Variants in ATXN1 observed in about 807,000 individuals in gnomAD.
The protein encoded by ATXN1 is ataxin-1.
In ATXN1, 8 loss-of-function variants were observed where a neutral mutation model predicts 56.4. That is an observed-to-expected ratio of 0.14 (90% CI 0.08 to 0.26). ATXN1 has a LOEUF of 0.26. ATXN1 is among the 10% of genes least tolerant of loss of function. ATXN1 has a pLI of 1.00. For synonymous variants in ATXN1, 514 were observed against 494.6 expected, an observed-to-expected ratio of 1.04 and a Z score of -0.52; for missense variants, 987 against 1,106.5, an observed-to-expected ratio of 0.89 and a Z score of 1.53.
At chr6:16,723,712 C>T (rs1759791742) in intron 2 of ATXN1, among the ~76,000 whole-genome samples, 1 of 151,980 alleles carries the variant, frequency 6.6e-6, no homozygotes, top group African/African-American at 2.4e-5. Context: ...AAATTAATAA[C>T]ATAGTGCACT....
chr6:16,463,909 A>AC (rs1410534247), intron 6 of ATXN1, among the ~76,000 whole-genome samples: 1 of 152,132 alleles, frequency 6.6e-6, no homozygotes, highest in Non-Finnish European at 1.5e-5. Context: ...TACAAATGGA[A>AC]CCCCAAATGA....
In ATXN1 at chr6:16,302,234, AAG is replaced by A. The variant is rs1445941947; in HGVS notation, c.*4093_*4094del. On this transcript the variant is annotated 3_prime_UTR_variant, in exon 8 of 8. Coordinates refer to ENST00000436367, the MANE Select transcript of ATXN1 (RefSeq NM_001128164.2). ...ACACACACCTGCCCCGTCCCTGAGA[AAG>A]AGGTGTGAAAGGTTCCGCAGAGTCC... 6.6e-6 allele frequency: 1 copy of A among 152,464 alleles called. No homozygotes were observed. Among genetic ancestry groups the A allele is most frequent in the Non-Finnish European group, 1.5e-5 (1 of 68,056 alleles). 9.4% of individuals were successfully genotyped at this position (152,464 alleles called of 1,614,324 possible). A position where few individuals can be genotyped will look rare whatever the true frequency, so the allele number is the denominator to read the frequency against.
rs1261024460 is a variant in ATXN1 at position 16,506,015 on chromosome 6, G to A, written c.-299+16612C>T. On this transcript the variant is annotated intron_variant, in intron 5 of 7. Transcript: ENST00000436367. The surrounding 1 kb of genome is among the most constrained non-coding windows in gnomAD (Gnocchi z 4.1). ...ATTCTCCTTTTCACTTCATCTGGAG[G>A]GCAGTGTCTTCCCTCCTAGAAGAGA... 6.6e-6 allele frequency among the ~76,000 whole-genome samples: 1 copy of A among 152,090 alleles called. No homozygotes were observed. Among genetic ancestry groups the A allele is most frequent in the Non-Finnish European group, 1.5e-5 (1 of 68,016 alleles).
rs1759101478 is a variant in ATXN1, at chr6:16,693,912, G to A, written c.-614-36011C>T. Among the ~76,000 whole-genome samples, 3 of 152,012 alleles carry A rather than the reference G, an allele frequency of 2.0e-5. No homozygotes were observed. The South Asian group carries it at 6.2e-4, about 32-fold the overall frequency. On this transcript the variant is annotated intron_variant, in intron 2 of 7. Transcript: ENST00000436367. The stretch of plus-strand genomic sequence containing the variant: ...TTGTAAAAAATACAGTCCACCCTAG[G>A]GTAGGAAAAACTGGGATTCCGACAC...
At chr6:16,756,452 T>A (rs1475403393) in intron 1 of ATXN1, among the ~76,000 whole-genome samples, 1 of 152,210 alleles carries the variant, frequency 6.6e-6, no homozygotes, top group Non-Finnish European at 1.5e-5. Context: ...CAGAAATTAT[T>A]ATTTCTATTA....
chr6:16,494,719 A>T (rs1004253189), intron 5 of ATXN1, among the ~76,000 whole-genome samples: 1 of 152,258 alleles, frequency 6.6e-6, no homozygotes, highest in Non-Finnish European at 1.5e-5. Context: ...TAAGTTGAAC[A>T]TATAGATGAT....
intron 4 of ATXN1, among the ~76,000 whole-genome samples, chr6:16,563,170 T>C (rs1035747605): frequency 6.6e-6 from 1 of 152,050 alleles, no homozygotes; most frequent in Non-Finnish European, 1.5e-5. Flanking sequence ...GCAAGATGAA[T>C]AAATGGTCCT....
intron 5 of ATXN1, among the ~76,000 whole-genome samples, chr6:16,505,154 C>T (rs1760959542): frequency 1.3e-5 from 2 of 152,286 alleles, no homozygotes; most frequent in Admixed American, 1.3e-4. Context: ...CTGCTTATCC[C>T]TCTCAGCTGT....
rs190331400 is a variant in ATXN1, at chr6:16,579,045, C to T, written c.-361+6735G>A. On this transcript the variant is annotated intron_variant, in intron 4 of 7. Transcript: ENST00000436367. ...TCATATAAGTACTGCAGCTTGACTA[C>T]TTCCCAGCTGCCAAATTTCACTCCA... 3.3e-5 allele frequency among the ~76,000 whole-genome samples: 5 copies of T among 152,340 alleles called. No homozygotes were observed. In the East Asian group the frequency reaches 9.6e-4, roughly 29 times the overall value.
intron 6 of ATXN1, among the ~76,000 whole-genome samples, chr6:16,436,562 T>C (rs1207617173): frequency 6.6e-6 from 1 of 151,580 alleles, no homozygotes; most frequent in Non-Finnish European, 1.5e-5. Context: ...GAAAGGGAAA[T>C]AGAAAGCAAT....
chr6:16,374,609 G>A (rs1162311674), intron 6 of ATXN1, among the ~76,000 whole-genome samples: 1 of 152,172 alleles, frequency 6.6e-6, no homozygotes, highest in Non-Finnish European at 1.5e-5. Flanking sequence ...GGTATAAATG[G>A]TGATGTATCA....
intron 2 of ATXN1, among the ~76,000 whole-genome samples, chr6:16,743,711 G>A (rs576722722): frequency 8.5e-4 from 129 of 152,270 alleles, no homozygotes; most frequent in Non-Finnish European, 1.6e-3. Flanking sequence ...CAAGGGCTTC[G>A]TGAGGAAGAG....
chr6:16,307,065 T>C (rs1760268974), intron 7 of ATXN1, among the ~76,000 whole-genome samples: 1 of 152,190 alleles, frequency 6.6e-6, no homozygotes, highest in Non-Finnish European at 1.5e-5. Context: ...GTTGTACCTC[T>C]ACTTGCCATA....
At chr6:16,352,137 T>C (rs1025565798) in intron 6 of ATXN1, among the ~76,000 whole-genome samples, 6 of 152,208 alleles carry the variant, frequency 3.9e-5, no homozygotes, top group African/African-American at 7.2e-5. Flanking sequence ...TCGCGAATAA[T>C]ATAGTTTGCT....
At chr6:16,361,195 G>A (rs956742948) in intron 6 of ATXN1, among the ~76,000 whole-genome samples, 57 of 152,274 alleles carry the variant, frequency 3.7e-4, no homozygotes, top group African/African-American at 1.3e-3. Flanking sequence ...TATATATAGA[G>A]ACATTAAATT....
intron 3 of ATXN1, among the ~76,000 whole-genome samples, chr6:16,630,530 GATAT>G (rs1763486497): frequency 6.6e-6 from 1 of 152,154 alleles, no homozygotes; most frequent in Non-Finnish European, 1.5e-5. Flanking sequence ...ATGCATTGAT[GATAT>G]CAGAGCATGA....
intron 6 of ATXN1, among the ~76,000 whole-genome samples, chr6:16,415,822 C>T (rs1452520510): frequency 9.2e-5 from 14 of 152,286 alleles, no homozygotes; most frequent in East Asian, 7.7e-4. Context: ...ATTCATTCTG[C>T]GGTTATCTGG....
intron 6 of ATXN1, among the ~76,000 whole-genome samples, chr6:16,395,813 C>T (rs1400482505): frequency 2.6e-5 from 4 of 151,818 alleles, no homozygotes; most frequent in East Asian, 1.9e-4. Context: ...GTCAGGAGAT[C>T]GAGACCATCC....
intron 3 of ATXN1, among the ~76,000 whole-genome samples, chr6:16,606,500 T>C (rs1435341047): frequency 6.8e-6 from 1 of 146,004 alleles, no homozygotes; most frequent in Non-Finnish European, 1.5e-5. Flanking sequence ...TGTTCGTTTG[T>C]TTGTGGTTTT....
Sources: allele counts gnomAD v4.1 joint callset (sites outside exome capture counted in the v4.1 genomes callset), GRCh38; gene constraint gnomAD v4.1.1; non-coding constraint Gnocchi (gnomAD v3.1); transcripts MANE v1.5; gene names NCBI Gene and HGNC (gene_info 2026-07-23, HGNC 2026-07-21).